Variants in PEX14 observed in about 807,000 individuals in gnomAD.
PEX14 encodes the protein peroxisomal membrane protein PEX14.
A neutral mutation model predicts 49.5 loss-of-function variants in PEX14; 15 were observed. The ratio of observed to expected loss-of-function variants is 0.30; its 90% CI spans 0.20 to 0.47. PEX14 has a LOEUF of 0.47. Ranked by LOEUF, PEX14 falls within the 20% of genes least tolerant of loss-of-function variation. PEX14 has a pLI of 1.00. For missense variants in PEX14, 398 were observed against 494.8 expected (o/e 0.80, Z 1.86); for synonymous variants, 210 against 212.7 (o/e 0.99, Z 0.11).
intron 1 of PEX14, among the ~76,000 whole-genome samples, chr1:10,489,067 G>T (rs1428271466): frequency 6.6e-6 from 1 of 151,988 alleles, no homozygotes. Context: ...CGCAACCCCC[G>T]CCTCCTGGGT....
In PEX14 at chr1:10,529,032, C is replaced by T. The variant is rs1638570547; in HGVS notation, c.85-7181C>T. 6.6e-6 allele frequency among the ~76,000 whole-genome samples: 1 copy of T among 152,214 alleles called. No individual in the cohort carries two copies. Among genetic ancestry groups the T allele is most frequent in the South Asian group, 2.1e-4 (1 of 4,834 alleles). The stretch of plus-strand genomic sequence containing the variant: ...AAGGCAGGGAAAAGGCAAATGTCAT[C>T]CTTTTTTCCTCCCCTCTTTGGGTAA... On this transcript the variant is annotated intron_variant, in intron 2 of 8. Transcript: ENST00000356607. This position sits in a 1 kb window ranked among gnomAD's most constrained non-coding sequence, Gnocchi z 4.2.
At chr1:10,569,743 G>T (rs1227729459) in intron 3 of PEX14, among the ~76,000 whole-genome samples, 3 of 152,136 alleles carry the variant, frequency 2.0e-5, no homozygotes. Flanking sequence ...GGTTGGAAAT[G>T]ATTTTTTATT....
chr1:10,568,323 T>TTCCCC (rs1557849515), intron 3 of PEX14, among the ~76,000 whole-genome samples: 1 of 118,718 alleles, frequency 8.4e-6, no homozygotes, highest in African/African-American at 3.8e-5. Context: ...TAGATACTCT[T>TTCCCC]CCCCCCCCCC....
intron 3 of PEX14, among the ~76,000 whole-genome samples, chr1:10,598,250 C>T (rs1352392546): frequency 6.6e-6 from 1 of 152,188 alleles, no homozygotes; most frequent in African/African-American, 2.4e-5. Context: ...GCTGGAGTGC[C>T]TTTGTACACA....
intron 2 of PEX14, among the ~76,000 whole-genome samples, chr1:10,520,576 A>G (rs983593747): frequency 3.3e-5 from 5 of 152,186 alleles, no homozygotes; most frequent in Non-Finnish European, 7.3e-5. Context: ...TCAGGTCCTT[A>G]GGCCTGGCAT....
rs191766439 is a variant in PEX14, at chr1:10,620,611, A to T, written c.384+2194A>T. Among the ~76,000 whole-genome samples the T allele has an allele frequency of 3.3e-3, 504 of 152,236 alleles. 4 individuals carry two copies. Among genetic ancestry groups the T allele is most frequent in the Non-Finnish European group, 5.6e-3 (379 of 68,022 alleles). Reference sequence around the variant, plus strand: ...GAGACCAGCCTGGCCAACAAGGTGAAACCCTGTCTCTACTGATAATACAAA... The same window carrying T: ...GAGACCAGCCTGGCCAACAAGGTGATACCCTGTCTCTACTGATAATACAAA... On this transcript the variant is annotated intron_variant, in intron 5 of 8. Transcript: ENST00000356607.
chr1:10,509,598 CCAT>C (rs1039851661), intron 2 of PEX14, among the ~76,000 whole-genome samples: 1 of 152,174 alleles, frequency 6.6e-6, no homozygotes, highest in Non-Finnish European at 1.5e-5. Context: ...TCAGCGGGCT[CCAT>C]CAGGTGGGGG....
At chr1:10,526,926 T>C (rs1437125440) in intron 2 of PEX14, among the ~76,000 whole-genome samples, 2 of 151,968 alleles carry the variant, frequency 1.3e-5, no homozygotes, top group African/African-American at 4.8e-5. Context: ...TAAAGAAAAT[T>C]CTTAGGCTGG....
chr1:10,505,684 A>AT (rs34387707), intron 2 of PEX14, among the ~76,000 whole-genome samples: 89,620 of 142,122 alleles, frequency 0.63, 28,196 homozygotes, highest in South Asian at 0.71. Flanking sequence ...GCTTGTGTGT[A>AT]TTTTTTTTTT....
chr1:10,495,377 G>A lies in PEX14; in HGVS notation c.84+56G>A. 2 of 1,392,162 alleles carry A rather than the reference G, an allele frequency of 1.4e-6. No individual in the cohort carries two copies. Among genetic ancestry groups the A allele is most frequent in the African/African-American group, 1.4e-5 (1 of 70,782 alleles). 86.2% of individuals were successfully genotyped at this position (1,392,162 alleles called of 1,614,324 possible). On this transcript the variant is annotated intron_variant, in intron 2 of 8. Coordinates refer to ENST00000356607, the MANE Select transcript of PEX14 (RefSeq NM_004565.3). The surrounding 1 kb of genome is among the most constrained non-coding windows in gnomAD (Gnocchi z 4.2). ...CTAGTAATTAAAATGCCACGCGAGTGAAAAGAAACCTTCTGTTCCTATGGT... is the reference window on the plus strand; with the variant it reads ...CTAGTAATTAAAATGCCACGCGAGTAAAAAGAAACCTTCTGTTCCTATGGT...
chr1:10,589,533 C>T (rs1231880917), intron 3 of PEX14, among the ~76,000 whole-genome samples: 1 of 151,694 alleles, frequency 6.6e-6, no homozygotes, highest in East Asian at 1.9e-4. Context: ...TACAGGTGTG[C>T]ACCACCATGC....
intron 2 of PEX14, among the ~76,000 whole-genome samples, chr1:10,499,057 A>G (rs766539287): frequency 2.6e-5 from 4 of 152,240 alleles, no homozygotes; most frequent in Non-Finnish European, 5.9e-5. Context: ...TGGGCGGACA[A>G]TTGTCCACAT....
At chr1:10,576,076 A>T (rs536116827) in intron 3 of PEX14, among the ~76,000 whole-genome samples, 3 of 152,238 alleles carry the variant, frequency 2.0e-5, no homozygotes, top group Non-Finnish European at 2.9e-5. Context: ...TTCTATTGGG[A>T]TATTAGTGCT....
chr1:10,549,361 T>G (rs1350614390), intron 3 of PEX14, among the ~76,000 whole-genome samples: 3 of 152,334 alleles, frequency 2.0e-5, no homozygotes, highest in South Asian at 4.1e-4. Flanking sequence ...ATTAAATTAT[T>G]CTAATTGCAA....
intron 3 of PEX14, among the ~76,000 whole-genome samples, chr1:10,562,763 T>A (rs1639685500): frequency 6.6e-6 from 1 of 152,212 alleles, no homozygotes; most frequent in Admixed American, 6.6e-5. Context: ...GATACTTCGA[T>A]CCTTCGACAC....
intron 3 of PEX14, among the ~76,000 whole-genome samples, chr1:10,588,025 C>G (rs1238868539): frequency 6.7e-6 from 1 of 149,352 alleles, no homozygotes; most frequent in Non-Finnish European, 1.5e-5. Context: ...GAGTTCAAGA[C>G]CAGCCTGGCC....
intron 1 of PEX14, among the ~76,000 whole-genome samples, chr1:10,486,428 C>G (rs1213744150): frequency 6.6e-6 from 1 of 150,780 alleles, no homozygotes; most frequent in Middle Eastern, 3.2e-3. Flanking sequence ...GCCTGTAATC[C>G]CAGCACTTTG....
At chr1:10,615,167 C>A (rs1029774911) in intron 4 of PEX14, among the ~76,000 whole-genome samples, 2 of 152,076 alleles carry the variant, frequency 1.3e-5, no homozygotes, top group Non-Finnish European at 2.9e-5. Context: ...AACACAAACC[C>A]CAGAACCCAT....
intron 3 of PEX14, 116 bp downstream of exon 3, chr1:10,536,413 T>A: frequency 2.7e-6 from 2 of 749,980 alleles, no homozygotes; most frequent in Non-Finnish European, 4.9e-6. Context: ...AGCTGCCCAC[T>A]CATGGGGCAG....
Sources: allele counts gnomAD v4.1 joint callset (sites outside exome capture counted in the v4.1 genomes callset), GRCh38; gene constraint gnomAD v4.1.1; non-coding constraint Gnocchi (gnomAD v3.1); transcripts MANE v1.5; gene names NCBI Gene and HGNC (gene_info 2026-07-23, HGNC 2026-07-21).